GRM7: variants seen among roughly 807,000 people sequenced by gnomAD.
The protein encoded by GRM7 is metabotropic glutamate receptor 7.
Under a neutral mutation model 84.5 loss-of-function variants are expected in GRM7, and 35 were observed. That is an observed-to-expected ratio of 0.41 (90% CI 0.32 to 0.55). GRM7 has a LOEUF of 0.55. GRM7 is among the 20% of genes least tolerant of loss of function. The pLI is 0.19. For synonymous variants in GRM7, 487 were observed against 455.1 expected (o/e 1.07, Z -0.89); for missense variants, 1,003 against 1,194.6 (o/e 0.84, Z 2.36).
At chr3:7,114,348 A>C (rs1692959710) in intron 1 of GRM7, among the ~76,000 whole-genome samples, 1 of 152,172 alleles carries the variant, frequency 6.6e-6, no homozygotes, top group African/African-American at 2.4e-5. Flanking sequence ...CTACTTTGTT[A>C]AAAATAATAA....
chr3:6,863,086 A>G lies in GRM7; in HGVS notation c.519+1179A>G. On this transcript the variant is annotated intron_variant, in intron 1 of 9. Transcript: ENST00000357716. The surrounding 1 kb of genome is among the most constrained non-coding windows in gnomAD (Gnocchi z 4.8). ...TTCCCTCCTCTGTGTCTTTCCCTAT[A>G]TGTGCATCACTCTCTCTTTCTGTCT... 1 of 427,250 alleles carries G rather than the reference A, an allele frequency of 2.3e-6. No individual in the cohort carries two copies. Among genetic ancestry groups the G allele is most frequent in the African/African-American group, 2.1e-5 (1 of 47,308 alleles). The allele number at this position is 427,250 out of a possible 1,614,324, so 26.5% of individuals were successfully genotyped here.
intron 4 of GRM7, among the ~76,000 whole-genome samples, chr3:7,346,795 C>G (rs1303103061): frequency 6.6e-6 from 1 of 151,894 alleles, no homozygotes; most frequent in East Asian, 1.9e-4. Flanking sequence ...TGAAGTGCAC[C>G]CATTAGATCT....
chr3:7,496,465 CACAA>C (rs953106706), intron 7 of GRM7, among the ~76,000 whole-genome samples: 3 of 151,972 alleles, frequency 2.0e-5, no homozygotes, highest in South Asian at 2.1e-4. Context: ...CATAAAAAAA[CACAA>C]ACAAGCTGAG....
Position 7,121,534 on chromosome 3 carries a change from C to T in GRM7, c.520-24918C>T, listed in dbSNP as rs192659976. 5.0e-3 allele frequency among the ~76,000 whole-genome samples: 759 copies of T among 152,284 alleles called. 2 individuals carry two copies. The highest frequency in any genetic ancestry group is 0.014 in the Middle Eastern group (4 of 294). ...TTCTAATGTATTCAAGAACCAAATTCCACCGTAGATTCTTACAACCAAAGC... is the reference window on the plus strand; with the variant it reads ...TTCTAATGTATTCAAGAACCAAATTTCACCGTAGATTCTTACAACCAAAGC... On this transcript the variant is annotated intron_variant, in intron 1 of 9. Coordinates refer to ENST00000357716, the MANE Select transcript of GRM7 (RefSeq NM_000844.4).
Position 7,514,272 on chromosome 3 carries a change from G to T in GRM7, c.1515+52550G>T, listed in dbSNP as rs566301065. 3.7e-4 allele frequency among the ~76,000 whole-genome samples: 56 copies of T among 152,302 alleles called. No homozygotes were observed. In the South Asian group the frequency reaches 0.011, roughly 31 times the overall value. On this transcript the variant is annotated intron_variant, in intron 7 of 9. Transcript: ENST00000357716. Reference sequence around the variant, plus strand: ...TAGAGAGGAACAAAAAGAAAAAGTTGGAGATAGATGCTCACTCTAGGTAAC... The same window carrying T: ...TAGAGAGGAACAAAAAGAAAAAGTTTGAGATAGATGCTCACTCTAGGTAAC...
intron 1 of GRM7, among the ~76,000 whole-genome samples, chr3:7,069,947 T>C (rs1191029811): frequency 1.3e-5 from 2 of 152,092 alleles, no homozygotes; most frequent in Admixed American, 6.6e-5. Flanking sequence ...GAGGAATAAA[T>C]ACTGAGGGTG....
chr3:7,410,209 T>G (rs1695866441), intron 4 of GRM7, among the ~76,000 whole-genome samples: 2 of 152,302 alleles, frequency 1.3e-5, no homozygotes, highest in Admixed American at 6.5e-5. Flanking sequence ...CTAGATCTTC[T>G]AACTTAATAA....
intron 9 of GRM7, among the ~76,000 whole-genome samples, chr3:7,699,471 TAACA>T (rs1203546554): frequency 1.3e-5 from 2 of 152,218 alleles, no homozygotes; most frequent in South Asian, 2.1e-4. Flanking sequence ...CTAAATTCTA[TAACA>T]AACAAGTTAC....
intron 1 of GRM7, among the ~76,000 whole-genome samples, chr3:6,970,062 G>A (rs1693683098): frequency 6.6e-6 from 1 of 152,190 alleles, no homozygotes; most frequent in Non-Finnish European, 1.5e-5. Context: ...TAAGTGAACT[G>A]GGCCAGAGGG....
chr3:6,959,736 T>C (rs1038482542), intron 1 of GRM7, among the ~76,000 whole-genome samples: 1 of 152,220 alleles, frequency 6.6e-6, no homozygotes, highest in Admixed American at 6.5e-5. Context: ...TTAGAATCCA[T>C]TTATCTTTAT....
intron 9 of GRM7, among the ~76,000 whole-genome samples, chr3:7,717,669 C>G (rs1701811851): frequency 6.6e-6 from 1 of 152,156 alleles, no homozygotes; most frequent in African/African-American, 2.4e-5. Flanking sequence ...TCTAGCTTAG[C>G]CAGGTGCAAT....
intron 8 of GRM7, among the ~76,000 whole-genome samples, chr3:7,619,549 T>C (rs1259021964): frequency 6.6e-6 from 1 of 152,066 alleles, no homozygotes; most frequent in Admixed American, 6.6e-5. Context: ...ATGCAAACTT[T>C]AGAGGTGACT....
intron 1 of GRM7, among the ~76,000 whole-genome samples, chr3:7,044,428 T>A (rs778102422): frequency 6.6e-6 from 1 of 152,226 alleles, no homozygotes. Context: ...TATTTTATTA[T>A]TGCTTATCAT....
At chr3:7,738,284 T>C (rs1407112969) in intron 9 of GRM7, among the ~76,000 whole-genome samples, 3 of 152,116 alleles carry the variant, frequency 2.0e-5, no homozygotes, top group Non-Finnish European at 4.4e-5. Context: ...TATTATAGCA[T>C]GGAGACAGAA....
At chr3:6,994,268 A>G (rs562418382) in intron 1 of GRM7, among the ~76,000 whole-genome samples, 1 of 152,212 alleles carries the variant, frequency 6.6e-6, no homozygotes, top group Non-Finnish European at 1.5e-5. Context: ...TTGATGGTGA[A>G]GGAGCAATGT....
intron 1 of GRM7, among the ~76,000 whole-genome samples, chr3:6,923,386 A>G (rs1227100947): frequency 6.6e-6 from 1 of 152,252 alleles, no homozygotes; most frequent in Non-Finnish European, 1.5e-5. Flanking sequence ...CATTTAAAAA[A>G]TAATAGTTGA....
rs115395589 is a variant in GRM7 at position 7,108,321 on chromosome 3, G to A, written c.520-38131G>A. ...TTGCGTGGCCTTAGGCAAGACAGATGATGAAAGAGTCTGGGCACATGTATG... is the reference window on the plus strand; with the variant it reads ...TTGCGTGGCCTTAGGCAAGACAGATAATGAAAGAGTCTGGGCACATGTATG... On this transcript the variant is annotated intron_variant, in intron 1 of 9. Coordinates refer to ENST00000357716, the MANE Select transcript of GRM7 (RefSeq NM_000844.4). Among the ~76,000 whole-genome samples the A allele has an allele frequency of 9.2e-3, 1,406 of 152,200 alleles. 18 individuals carry two copies. The highest frequency in any genetic ancestry group is 0.032 in the African/African-American group (1,314 of 41,548).
chr3:6,971,443 T>C (rs563231999), intron 1 of GRM7, among the ~76,000 whole-genome samples: 3 of 152,270 alleles, frequency 2.0e-5, no homozygotes, highest in South Asian at 2.1e-4. Flanking sequence ...AGAGTGCAGC[T>C]CCTATGAACA....
chr3:7,149,333 G>A (rs193139544), intron 2 of GRM7, among the ~76,000 whole-genome samples: 426 of 152,210 alleles, frequency 2.8e-3, no homozygotes, highest in Non-Finnish European at 4.8e-3. Flanking sequence ...TGCTGCAAAG[G>A]TGATTCTGGT....
Sources: gnomAD v4.1 joint callset for allele counts (sites outside exome capture counted in the v4.1 genomes callset) on GRCh38, gnomAD v4.1.1 for gene constraint, Gnocchi (gnomAD v3.1) non-coding constraint, MANE v1.5 for transcripts, NCBI Gene and HGNC (gene_info 2026-07-23, HGNC 2026-07-21) for gene names.